The following MRPS21 variants were observed in gnomAD, a reference collection of about 807,000 sequenced individuals.
The protein encoded by MRPS21 is mitochondrial ribosomal protein S21, also known as small ribosomal subunit protein bS21m.
MRPS21 carries 8 observed loss-of-function variants against 9.9 expected under a neutral mutation model. That is an observed-to-expected ratio of 0.81 (90% CI 0.47 to 1.45). MRPS21 has a LOEUF of 1.45. MRPS21 is among the 40% of genes most tolerant of loss of function. MRPS21 has a pLI of 0.00. For synonymous variants in MRPS21, 40 were observed against 40.3 expected, an observed-to-expected ratio of 0.99 and a Z score of 0.03; for missense variants, 101 against 118.9, an observed-to-expected ratio of 0.85 and a Z score of 0.70.
chr1:150,306,661 A>T (rs149321864), intron 2 of MRPS21, among the ~76,000 whole-genome samples: 3,059 of 152,022 alleles, frequency 0.02, 130 homozygotes, highest in African/African-American at 0.071. Flanking sequence ...ATGCCCGGCT[A>T]ATTTTGTATT....
At chr1:150,306,585 C>G (rs1239989844) in intron 2 of MRPS21, among the ~76,000 whole-genome samples, 1 of 151,812 alleles carries the variant, frequency 6.6e-6, no homozygotes, top group Non-Finnish European at 1.5e-5. Flanking sequence ...AATCTCCGCC[C>G]CCAGGGTTCA....
At chr1:150,307,348 CTTTTTT>C (rs1572154026) in intron 2 of MRPS21, among the ~76,000 whole-genome samples, 3 of 87,552 alleles carry the variant, frequency 3.4e-5, no homozygotes, top group Non-Finnish European at 6.6e-5. Context: ...GTGCCCAGTC[CTTTTTT>C]TTTTTTTTTT....
chr1:150,303,706 A>G (rs1553858002), intron 2 of MRPS21, among the ~76,000 whole-genome samples: 1 of 152,202 alleles, frequency 6.6e-6, no homozygotes, highest in African/African-American at 2.4e-5. Flanking sequence ...AAACAATTTC[A>G]TAGGAGTGTA....
intron 2 of MRPS21, among the ~76,000 whole-genome samples, chr1:150,306,305 CAA>C (rs1654327634): frequency 1.3e-5 from 1 of 76,940 alleles, no homozygotes; most frequent in Admixed American, 1.4e-4. Context: ...TTCCTTGAGA[CAA>C]GAGTCTGTTG....
chr1:150,298,666 A>G (rs188257659), intron 2 of MRPS21, among the ~76,000 whole-genome samples: 37 of 152,250 alleles, frequency 2.4e-4, no homozygotes, highest in African/African-American at 8.7e-4. Context: ...CAGTGGCGCA[A>G]TCTCTGCTCA....
At chr1:150,294,173 A>G in intron 1 of MRPS21, 162 bp from the exon 2 acceptor site, 1 of 548,892 alleles carries the variant, frequency 1.8e-6, no homozygotes, top group South Asian at 1.9e-5. Context: ...AGAATAAGAG[A>G]CAACGATTCA....
At chr1:150,303,984 G>A in intron 2 of MRPS21, 1 of 453,804 alleles carries the variant, frequency 2.2e-6, no homozygotes, top group Non-Finnish European at 4.4e-6. Flanking sequence ...ACCCAATGAG[G>A]GGTTCAATGT....
intron 2 of MRPS21, among the ~76,000 whole-genome samples, chr1:150,297,399 TG>T (rs1310401299): frequency 6.7e-6 from 1 of 148,248 alleles, no homozygotes; most frequent in African/African-American, 2.5e-5. Context: ...GGGTCAGGCG[TG>T]GTGGCTCATG....
intron 2 of MRPS21, among the ~76,000 whole-genome samples, chr1:150,299,159 T>A (rs1654019504): frequency 6.6e-6 from 1 of 152,172 alleles, no homozygotes; most frequent in African/African-American, 2.4e-5. Context: ...GAGACTGCAG[T>A]GATGCCCCAT....
At position 150,294,436 on chromosome 1, in the gene MRPS21, A is replaced by G. The variant is rs1011678058; in HGVS notation, c.70A>G (p.Arg24Gly). The G allele has an allele frequency of 1.9e-6, 3 of 1,613,080 alleles. No individual in the cohort carries two copies. Among genetic ancestry groups the G allele is most frequent in the Non-Finnish European group, 1.7e-6 (2 of 1,179,136 alleles). Residue 24 changes from arginine (R) to glycine (G), a missense_variant, in exon 2 of 3, where the codon AGG becomes GGG. Coordinates refer to ENST00000614145, the MANE Select transcript of MRPS21 (RefSeq NM_031901.6). Reference sequence around the variant, plus strand: ...GGAAGGGAACGTGGAAAGCGCATACAGGACCCTAAACAGGTAACTGTTAAG... The same window carrying G: ...GGAAGGGAACGTGGAAAGCGCATACGGGACCCTAAACAGGTAACTGTTAAG... The part of the protein sequence containing the change: ...VQEGNVESAY[R>G]TLNRILTMDG...
chr1:150,299,891 A>G (rs1382941359), intron 2 of MRPS21, among the ~76,000 whole-genome samples: 1 of 152,030 alleles, frequency 6.6e-6, no homozygotes, highest in Non-Finnish European at 1.5e-5. Context: ...CTGGCTGCCT[A>G]TTAGGATCAC....
chr1:150,300,257 C>T (rs1243910910), intron 2 of MRPS21, among the ~76,000 whole-genome samples: 2 of 151,932 alleles, frequency 1.3e-5, no homozygotes, highest in Non-Finnish European at 1.5e-5. Context: ...GCAGGAGAAT[C>T]GCTTGAACCT....
At chr1:150,297,715 A>G (rs1446939238) in intron 2 of MRPS21, among the ~76,000 whole-genome samples, 7 of 151,990 alleles carry the variant, frequency 4.6e-5, no homozygotes, top group African/African-American at 1.5e-4. Context: ...TTCTATGTGC[A>G]TAACAATTAT....
intron 2 of MRPS21, among the ~76,000 whole-genome samples, chr1:150,299,411 T>C (rs1654030232): frequency 7.3e-6 from 1 of 136,582 alleles, no homozygotes; most frequent in Non-Finnish European, 1.6e-5. Flanking sequence ...TAATCAACAC[T>C]CAGTTTTTGC....
chr1:150,299,444 TTTTGTTTG>T (rs369839952), intron 2 of MRPS21, among the ~76,000 whole-genome samples: 45 of 151,634 alleles, frequency 3.0e-4, no homozygotes, highest in South Asian at 1.2e-3. Flanking sequence ...TTTTTCTGTT[TTTTGTTTG>T]TTTGTTTGTT....
At chr1:150,297,119 G>T (rs974214910) in intron 2 of MRPS21, among the ~76,000 whole-genome samples, 17 of 151,506 alleles carry the variant, frequency 1.1e-4, no homozygotes, top group Middle Eastern at 3.4e-3. Flanking sequence ...GTGAAACCCC[G>T]TCTCTACTAA....
intron 2 of MRPS21, chr1:150,304,219 G>T (rs1553858117): frequency 3.1e-6 from 1 of 321,334 alleles, no homozygotes; most frequent in Admixed American, 3.8e-5. Flanking sequence ...GCTGAGGCGG[G>T]AGAATTGCTT....
At chr1:150,305,842 G>T (rs1329181509) in intron 2 of MRPS21, among the ~76,000 whole-genome samples, 1 of 148,712 alleles carries the variant, frequency 6.7e-6, no homozygotes, top group Non-Finnish European at 1.5e-5. Flanking sequence ...TGATCAGTAG[G>T]GCAGGTTATT....
At chr1:150,297,066 C>G (rs375784484) in intron 2 of MRPS21, among the ~76,000 whole-genome samples, 1 of 149,992 alleles carries the variant, frequency 6.7e-6, no homozygotes, top group Non-Finnish European at 1.5e-5. Context: ...CCAAGGCGGG[C>G]GGATCACGAG....
Sources: gnomAD v4.1 joint callset for allele counts (sites outside exome capture counted in the v4.1 genomes callset) on GRCh38, gnomAD v4.1.1 for gene constraint, MANE v1.5 for transcripts, NCBI Gene and HGNC (gene_info 2026-07-23, HGNC 2026-07-21) for gene names.